The following XYLT1 variants were observed in gnomAD, a reference collection of about 807,000 sequenced individuals.
XYLT1 encodes beta-D-xylosyltransferase 1.
XYLT1 carries 36 observed loss-of-function variants against 91.3 expected under a neutral mutation model. The observed-to-expected ratio is 0.39, with a 90% CI of 0.30 to 0.52. XYLT1 has a LOEUF of 0.52. XYLT1 is among the 20% of genes least tolerant of loss of function. The pLI, the probability that XYLT1 is intolerant of heterozygous loss-of-function variation, is 0.68. For missense variants in XYLT1, 1,242 were observed against 1,284.5 expected (o/e 0.97, Z 0.51); for synonymous variants, 588 against 532.0 (o/e 1.11, Z -1.45).
intron 1 of XYLT1, among the ~76,000 whole-genome samples, chr16:17,468,294 A>C (rs1273472887): frequency 6.6e-6 from 1 of 152,160 alleles, no homozygotes; most frequent in Non-Finnish European, 1.5e-5. Context: ...AGCAAATGAA[A>C]TAAAATACAA....
intron 1 of XYLT1, among the ~76,000 whole-genome samples, chr16:17,454,444 T>C (rs1289247238): frequency 1.3e-5 from 2 of 152,174 alleles, no homozygotes; most frequent in African/African-American, 4.8e-5. Flanking sequence ...TTGCAACTAC[T>C]CAATTGTGCT....
Position 17,104,635 on chromosome 16 carries a change from T to A in XYLT1, c.*4060A>T, listed in dbSNP as rs183546643. 4.6e-5 allele frequency: 7 copies of A among 152,204 alleles called. No individual in the cohort carries two copies. In the East Asian group the frequency reaches 1.4e-3, roughly 29 times the overall value. The allele number at this position is 152,204 out of a possible 1,614,324, so 9.4% of individuals were successfully genotyped here. On this transcript the variant is annotated 3_prime_UTR_variant, in exon 12 of 12. Coordinates refer to ENST00000261381, the MANE Select transcript of XYLT1 (RefSeq NM_022166.4). ...CAGTGGAATTTTTCTTTGCCCACTA[T>A]CTGTTAAAAAAAACAAAAACAAACA...
intron 1 of XYLT1, among the ~76,000 whole-genome samples, chr16:17,398,705 TG>T (rs1489732907): frequency 2.6e-5 from 4 of 152,018 alleles, no homozygotes; most frequent in Admixed American, 2.6e-4. Context: ...TGGCTTCTGG[TG>T]GTCTGCTGGG....
At chr16:17,283,737 C>G (rs1413699291) in intron 2 of XYLT1, among the ~76,000 whole-genome samples, 1 of 152,204 alleles carries the variant, frequency 6.6e-6, no homozygotes, top group Non-Finnish European at 1.5e-5. Context: ...ACTGCAGAAC[C>G]CTGTCTTCTG....
intron 1 of XYLT1, among the ~76,000 whole-genome samples, chr16:17,428,819 G>C (rs2036351773): frequency 6.6e-6 from 1 of 152,172 alleles, no homozygotes; most frequent in African/African-American, 2.4e-5. Context: ...ATCTTTCAGA[G>C]AGGGAGGAGG....
intron 3 of XYLT1, among the ~76,000 whole-genome samples, chr16:17,225,152 TACACACACAC>T (rs751269290): frequency 6.8e-6 from 1 of 147,498 alleles, no homozygotes; most frequent in Non-Finnish European, 1.5e-5. Context: ...ATTCTTATTT[TACACACACAC>T]ACACACACAC....
chr16:17,446,275 A>C (rs371062706), intron 1 of XYLT1: 1 of 152,242 alleles, frequency 6.6e-6, no homozygotes, highest in Non-Finnish European at 1.5e-5. Flanking sequence ...AAATACATAC[A>C]TAAATAAAGA....
chr16:17,230,553 A>G (rs78813802), intron 3 of XYLT1, among the ~76,000 whole-genome samples: 9,123 of 152,262 alleles, frequency 0.06, 385 homozygotes, highest in African/African-American at 0.12. Context: ...GCTGATGAGA[A>G]AATCCAAAGG....
intron 1 of XYLT1, among the ~76,000 whole-genome samples, chr16:17,461,741 G>C (rs1057439507): frequency 6.6e-6 from 1 of 152,150 alleles, no homozygotes; most frequent in African/African-American, 2.4e-5. Flanking sequence ...CGGACTTACT[G>C]ACTCTGAACT....
intron 7 of XYLT1, among the ~76,000 whole-genome samples, chr16:17,140,290 G>A (rs576002371): frequency 6.6e-6 from 1 of 152,286 alleles, no homozygotes; most frequent in South Asian, 2.1e-4. Flanking sequence ...ATAGAGCAAT[G>A]TTCAACATGA....
intron 1 of XYLT1, among the ~76,000 whole-genome samples, chr16:17,388,170 G>C (rs2035770128): frequency 6.6e-6 from 1 of 152,202 alleles, no homozygotes; most frequent in Admixed American, 6.5e-5. Flanking sequence ...TTATAATGAA[G>C]TGTTGAATAC....
At chr16:17,405,446 C>A (rs1392045065) in intron 1 of XYLT1, among the ~76,000 whole-genome samples, 1 of 152,206 alleles carries the variant, frequency 6.6e-6, no homozygotes, top group African/African-American at 2.4e-5. Context: ...CACACCCCAC[C>A]CAAAGACGAG....
chr16:17,402,023 G>C (rs2035974529), intron 1 of XYLT1, among the ~76,000 whole-genome samples: 1 of 152,140 alleles, frequency 6.6e-6, no homozygotes, highest in South Asian at 2.1e-4. Flanking sequence ...TCTAGGCTGA[G>C]CGTGGTGGCT....
intron 8 of XYLT1, among the ~76,000 whole-genome samples, chr16:17,136,612 A>T (rs1169912608): frequency 1.3e-5 from 2 of 151,724 alleles, no homozygotes; most frequent in South Asian, 2.1e-4. Context: ...GTTACCAGGA[A>T]CCCATCTAGG....
chr16:17,148,459 ATCCCTAC>A (rs1215860910), intron 6 of XYLT1, among the ~76,000 whole-genome samples: 1 of 152,206 alleles, frequency 6.6e-6, no homozygotes, highest in Non-Finnish European at 1.5e-5. Flanking sequence ...TCACTGCTGT[ATCCCTAC>A]TGCTTACATC....
rs1555459615 is a variant in XYLT1, at chr16:17,470,453, GC to G, written c.343del (p.Ala115HisfsTer79). On this transcript the variant is annotated frameshift_variant, in exon 1 of 12. Coordinates refer to ENST00000261381, the MANE Select transcript of XYLT1 (RefSeq NM_022166.4). LOFTEE classifies it high-confidence loss of function. The stretch of plus-strand genomic sequence containing the variant: ...TCTTACCAGAGCCCGGGCGGGCAGT[GC>G]CCCCCGGCTGGCCGGCTGCTGTCCC... ...PRGQQPASRG[A>X]LPARALDPHP... 2.4e-6 allele frequency: 3 copies of G among 1,231,678 alleles called. No homozygotes were observed. The highest frequency in any genetic ancestry group is 4.0e-5 in the South Asian group (1 of 25,050). 76.3% of individuals were successfully genotyped at this position (1,231,678 alleles called of 1,614,324 possible).
Position 17,256,047 on chromosome 16 carries a change from T to C in XYLT1, c.913+2941A>G, listed in dbSNP as rs79277868. Among the ~76,000 whole-genome samples, 598 of 152,060 alleles carry C rather than the reference T, an allele frequency of 3.9e-3. 5 individuals carry two copies. The highest frequency in any genetic ancestry group is 0.014 in the African/African-American group (577 of 41,506). ...ACAAAACAGATAGAAAACAAAAGTA[T>C]TGCACAGACACATGCTTGCTACTAG... is the stretch of plus-strand genomic sequence containing the variant. On this transcript the variant is annotated intron_variant, in intron 3 of 11. Transcript: ENST00000261381.
At chr16:17,420,166 A>G (rs980438241) in intron 1 of XYLT1, among the ~76,000 whole-genome samples, 65 of 152,350 alleles carry the variant, frequency 4.3e-4, no homozygotes, top group African/African-American at 1.5e-3. Context: ...ATTAATGTGT[A>G]TATAAGCCAC....
intron 2 of XYLT1, among the ~76,000 whole-genome samples, chr16:17,320,724 C>T (rs1417947302): frequency 6.6e-6 from 1 of 151,428 alleles, no homozygotes; most frequent in African/African-American, 2.4e-5. Flanking sequence ...TCGTGATCTG[C>T]CCACCTTGCC....
Sources: gnomAD v4.1 joint callset for allele counts (sites outside exome capture counted in the v4.1 genomes callset) on GRCh38, gnomAD v4.1.1 for gene constraint, MANE v1.5 for transcripts, NCBI Gene and HGNC (gene_info 2026-07-23, HGNC 2026-07-21) for gene names.